Variants in ANKS1B observed in about 807,000 individuals in gnomAD.
ANKS1B encodes ankyrin repeat and sterile alpha motif domain-containing protein 1B.
Under a neutral mutation model 148.3 loss-of-function variants are expected in ANKS1B, and 36 were observed. The ratio of observed to expected loss-of-function variants is 0.24; its 90% CI spans 0.19 to 0.32. The LOEUF (loss-of-function observed/expected upper bound fraction) is 0.32, where lower values mean the gene tolerates loss of function less well. ANKS1B is among the 10% of genes least tolerant of loss of function. ANKS1B has a pLI of 1.00. For synonymous variants in ANKS1B, 542 were observed against 560.8 expected, an observed-to-expected ratio of 0.97 and a Z score of 0.47; for missense variants, 1,157 against 1,542.6, an observed-to-expected ratio of 0.75 and a Z score of 4.19.
chr12:99,454,325 A>G (rs567833659), intron 10 of ANKS1B, among the ~76,000 whole-genome samples: 15 of 152,366 alleles, frequency 9.8e-5, no homozygotes, highest in Non-Finnish European at 1.8e-4. Flanking sequence ...ATCTATAAAA[A>G]GAACAGACCA....
chr12:98,781,084 G>C, intron 24 of ANKS1B, 33 bp downstream of exon 24: 1 of 1,330,022 alleles, frequency 7.5e-7, no homozygotes, highest in African/African-American at 1.5e-5. Context: ...GACTGCATCT[G>C]GTGTCTAAAC....
chr12:99,497,076 G>A lies in ANKS1B; in HGVS notation c.1438+7400C>T, dbSNP rs148178475. 8.1e-3 allele frequency among the ~76,000 whole-genome samples: 1,230 copies of A among 152,298 alleles called. 17 individuals carry two copies. Among genetic ancestry groups the A allele is most frequent in the Non-Finnish European group, 0.012 (820 of 68,036 alleles). The stretch of plus-strand genomic sequence containing the variant: ...AGGGGAATTGGTTCCCAGACTCCCT[G>A]TTGAGGAGGATTGGGTATTTGAGGA... On this transcript the variant is annotated intron_variant, in intron 10 of 26. Transcript: ENST00000683438.
At chr12:99,764,651 G>A (rs983515862) in intron 8 of ANKS1B, among the ~76,000 whole-genome samples, 5 of 152,240 alleles carry the variant, frequency 3.3e-5, no homozygotes, top group Middle Eastern at 3.4e-3. Context: ...TCTAACTCCC[G>A]ACCTCAGGTG....
intron 25 of ANKS1B, among the ~76,000 whole-genome samples, chr12:98,755,232 C>T (rs2098205985): frequency 6.6e-6 from 1 of 152,172 alleles, no homozygotes. Context: ...ACATCCCTAC[C>T]ATCTGAAACG....
chr12:99,170,593 C>T (rs1165980507), intron 14 of ANKS1B, among the ~76,000 whole-genome samples: 1 of 152,030 alleles, frequency 6.6e-6, no homozygotes, highest in Non-Finnish European at 1.5e-5. Context: ...TCATTCAGTC[C>T]CTCGACCAAG....
chr12:99,250,098 G>A (rs2074381973), intron 12 of ANKS1B, among the ~76,000 whole-genome samples: 1 of 152,212 alleles, frequency 6.6e-6, no homozygotes, highest in South Asian at 2.1e-4. Context: ...AGGGGAGATT[G>A]TGGGCAAGAG....
chr12:99,948,954 G>C (rs1166275772), intron 1 of ANKS1B, among the ~76,000 whole-genome samples: 1 of 152,122 alleles, frequency 6.6e-6, no homozygotes, highest in African/African-American at 2.4e-5. Context: ...GCTAAGTGTT[G>C]GGGGATAGGA....
chr12:99,256,128 T>C (rs905637572), intron 12 of ANKS1B, among the ~76,000 whole-genome samples: 1 of 151,860 alleles, frequency 6.6e-6, no homozygotes, highest in African/African-American at 2.4e-5. Context: ...TGCGTGCCTA[T>C]AATCCTAGCT....
chr12:99,951,998 C>A (rs1372989150), intron 1 of ANKS1B, among the ~76,000 whole-genome samples: 1 of 152,152 alleles, frequency 6.6e-6, no homozygotes, highest in Non-Finnish European at 1.5e-5. Flanking sequence ...AAATATCACA[C>A]TTTAGCCAAT....
chr12:99,768,696 C>T (rs1386256952), intron 8 of ANKS1B, among the ~76,000 whole-genome samples: 2 of 151,818 alleles, frequency 1.3e-5, no homozygotes, highest in East Asian at 1.9e-4. Context: ...TGTGGTGGCA[C>T]GTGCCTGTAG....
chr12:98,835,166 A>G (rs1187043248), intron 17 of ANKS1B, among the ~76,000 whole-genome samples: 2 of 151,946 alleles, frequency 1.3e-5, no homozygotes, highest in African/African-American at 2.4e-5. Context: ...CTGTGGTACA[A>G]TTGAGCTGAT....
chr12:99,079,576 T>G (rs2048955340), intron 16 of ANKS1B, among the ~76,000 whole-genome samples: 1 of 152,152 alleles, frequency 6.6e-6, no homozygotes, highest in Non-Finnish European at 1.5e-5. Context: ...TCATCAAATA[T>G]TTTTGGGTTT....
At chr12:98,890,520 C>T (rs754050829) in intron 17 of ANKS1B, among the ~76,000 whole-genome samples, 2 of 152,130 alleles carry the variant, frequency 1.3e-5, no homozygotes, top group Non-Finnish European at 2.9e-5. Flanking sequence ...TTTACAGTTA[C>T]ATTTTATATT....
chr12:99,612,528 C>T (rs918358065), intron 9 of ANKS1B, among the ~76,000 whole-genome samples: 1 of 152,098 alleles, frequency 6.6e-6, no homozygotes, highest in African/African-American at 2.4e-5. Context: ...AGGTTGGATT[C>T]GAATCCTCAA....
At chr12:98,992,788 C>T (rs988572641) in intron 17 of ANKS1B, among the ~76,000 whole-genome samples, 1 of 152,212 alleles carries the variant, frequency 6.6e-6, no homozygotes, top group Non-Finnish European at 1.5e-5. Context: ...TCATTCATGA[C>T]ACTTTCCTTA....
At chr12:99,690,689 CT>C (rs1384905201) in intron 8 of ANKS1B, among the ~76,000 whole-genome samples, 3 of 152,220 alleles carry the variant, frequency 2.0e-5, no homozygotes, top group Non-Finnish European at 4.4e-5. Flanking sequence ...AGCTCCACCC[CT>C]GTGGCTCTGC....
intron 17 of ANKS1B, among the ~76,000 whole-genome samples, chr12:98,880,509 G>A (rs2099704351): frequency 6.6e-6 from 1 of 152,210 alleles, no homozygotes; most frequent in South Asian, 2.1e-4. Context: ...GCTCATGCCT[G>A]TAATCCCAGC....
At chr12:99,141,326 C>A (rs2070684862) in intron 15 of ANKS1B, among the ~76,000 whole-genome samples, 1 of 152,012 alleles carries the variant, frequency 6.6e-6, no homozygotes, top group Non-Finnish European at 1.5e-5. Flanking sequence ...GCTCTCATTT[C>A]ACAGAATGTG....
chr12:99,288,374 G>T (rs2079428753), intron 12 of ANKS1B, among the ~76,000 whole-genome samples: 1 of 152,070 alleles, frequency 6.6e-6, no homozygotes, highest in Non-Finnish European at 1.5e-5. Flanking sequence ...AAAGGTGAAA[G>T]ATTTAACCAA....
Sources: gnomAD v4.1 joint callset for allele counts (sites outside exome capture counted in the v4.1 genomes callset) on GRCh38, gnomAD v4.1.1 for gene constraint, MANE v1.5 for transcripts, NCBI Gene and HGNC (gene_info 2026-07-23, HGNC 2026-07-21) for gene names.